The following TMEM230 variants were observed in gnomAD, a reference collection of about 807,000 sequenced individuals.
TMEM230 encodes the protein transmembrane protein 230, also known as UPF0414 transmembrane protein C20orf30.
TMEM230 carries 10 observed loss-of-function variants against 15.8 expected under a neutral mutation model. That is an observed-to-expected ratio of 0.63 (90% CI 0.39 to 1.07). The LOEUF (loss-of-function observed/expected upper bound fraction) is 1.07. Ranked by LOEUF, TMEM230 falls within the 50% of genes least tolerant of loss-of-function variation. The probability of loss-of-function intolerance (pLI) is 0.01; values close to 1 mark genes in which losing one functional copy is unlikely to be tolerated. For missense variants in TMEM230, 165 were observed against 193.3 expected (o/e 0.85, Z 0.87); for synonymous variants, 67 against 76.9 (o/e 0.87, Z 0.68).
chr20:5,083,431 T>C (rs1169156861), intron 3 of TMEM230, among the ~76,000 whole-genome samples: 1 of 151,826 alleles, frequency 6.6e-6, no homozygotes, highest in African/African-American at 2.4e-5. Flanking sequence ...TTTTATTAAA[T>C]CAGGAATAGC....
At chr20:5,066,119 G>C (rs1355307347), downstream of TMEM230, 1 of 152,280 alleles carries the variant, frequency 6.6e-6, no homozygotes, top group Admixed American at 6.5e-5. Flanking sequence ...GGTTAGTCAA[G>C]GCCAGTAAAC....
At chr20:5,105,296 A>G (rs1297661961) in intron 4 of TMEM230, among the ~76,000 whole-genome samples, 1 of 150,860 alleles carries the variant, frequency 6.6e-6, no homozygotes, top group Non-Finnish European at 1.5e-5. Context: ...CAAAATATAT[A>G]TATATGTATG....
chr20:5,109,136 A>T (rs1190287025), intron 3 of TMEM230, 196 bp downstream of exon 2: 1 of 495,168 alleles, frequency 2.0e-6, no homozygotes, highest in Non-Finnish European at 3.6e-6. Flanking sequence ...AATGGACAAT[A>T]CTGGAATTGG....
intron 2 of TMEM230, among the ~76,000 whole-genome samples, chr20:5,110,739 AAAG>A (rs1370566839): frequency 2.0e-5 from 3 of 152,144 alleles, no homozygotes; most frequent in African/African-American, 4.8e-5. Context: ...AAAAAATTTT[AAAG>A]AAAGAAAGAA....
At chr20:5,077,975 G>A (rs557365740) in intron 3 of TMEM230, among the ~76,000 whole-genome samples, 1 of 152,286 alleles carries the variant, frequency 6.6e-6, no homozygotes, top group South Asian at 2.1e-4. Flanking sequence ...AGTAGCATGG[G>A]GCCTGGGGGC....
At chr20:5,091,513 T>G (rs2089505822) in intron 3 of TMEM230, among the ~76,000 whole-genome samples, 1 of 152,022 alleles carries the variant, frequency 6.6e-6, no homozygotes, top group African/African-American at 2.4e-5. Flanking sequence ...ACCCAGCTGG[T>G]ATTGCTATTT....
At chr20:5,079,976 C>A (rs560450820) in intron 3 of TMEM230, among the ~76,000 whole-genome samples, 1 of 152,234 alleles carries the variant, frequency 6.6e-6, no homozygotes, top group East Asian at 1.9e-4. Context: ...TGAAAAAAAT[C>A]ATTACATCTT....
chr20:5,076,615 A>T (rs1050693702), intron 3 of TMEM230, among the ~76,000 whole-genome samples: 1 of 151,982 alleles, frequency 6.6e-6, no homozygotes, highest in Non-Finnish European at 1.5e-5. Flanking sequence ...CTGTTATGTA[A>T]CAGGCATCTA....
chr20:5,098,736 C>T (rs1458912911), downstream of TMEM230, among the ~76,000 whole-genome samples: 1 of 151,744 alleles, frequency 6.6e-6, no homozygotes, highest in African/African-American at 2.4e-5. Flanking sequence ...AAAAACTACA[C>T]TTATAATGTG....
chr20:5,090,529 G>C (rs2089478193), intron 3 of TMEM230, among the ~76,000 whole-genome samples: 1 of 152,134 alleles, frequency 6.6e-6, no homozygotes, highest in Admixed American at 6.6e-5. Flanking sequence ...AAACGGATGG[G>C]AGACTAGGGG....
intron 3 of TMEM230, among the ~76,000 whole-genome samples, chr20:5,074,719 A>G (rs1428152179): frequency 6.6e-6 from 1 of 152,132 alleles, no homozygotes; most frequent in Non-Finnish European, 1.5e-5. Context: ...CAGGCGAATC[A>G]CTTGAGCTAA....
chr20:5,111,096 A>G (rs561973982), intron 2 of TMEM230: 1 of 151,640 alleles, frequency 6.6e-6, no homozygotes, highest in East Asian at 1.9e-4. Flanking sequence ...GCACGAGAAT[A>G]GCTTGAGCCT....
chr20:5,061,642 C>CAAA, the TMEM230 span, among the ~76,000 whole-genome samples: 1 of 152,128 alleles, frequency 6.6e-6, no homozygotes, highest in Admixed American at 6.6e-5. Context: ...GAACATAGGT[C>CAAA]ATAGGCTGAT....
chr20:5,097,889 C>T (rs549474935), downstream of TMEM230, among the ~76,000 whole-genome samples: 1 of 151,036 alleles, frequency 6.6e-6, no homozygotes, highest in Non-Finnish European at 1.5e-5. Flanking sequence ...GGATTACAGG[C>T]GTGAGCCACC....
intron 2 of TMEM230, chr20:5,111,173 C>T (rs887415538): frequency 2.7e-5 from 4 of 149,368 alleles, no homozygotes; most frequent in Non-Finnish European, 5.9e-5. Flanking sequence ...CAGAATGAGA[C>T]CCTGAGTCAA....
rs6116648 is a variant in TMEM230, at chr20:5,103,288, C to T, written c.412-2357G>A. Among the ~76,000 whole-genome samples, 6 of 152,070 alleles carry T rather than the reference C, an allele frequency of 3.9e-5. No homozygotes were observed. The South Asian group carries it at 1.2e-3, about 31-fold the overall frequency. On this transcript the variant is annotated intron_variant, in intron 4 of 4. Transcript: ENST00000342308. Reference sequence around the variant, plus strand: ...ACCAGCCTGGGCAACATAATGAGATCTCATCTCTACCAAACAAACAAAAAA... The same window carrying T: ...ACCAGCCTGGGCAACATAATGAGATTTCATCTCTACCAAACAAACAAAAAA...
At chr20:5,104,098 A>G (rs2122757154) in intron 4 of TMEM230, among the ~76,000 whole-genome samples, 1 of 152,332 alleles carries the variant, frequency 6.6e-6, no homozygotes, top group East Asian at 1.9e-4. Flanking sequence ...TAATCCAATC[A>G]AAAATGGGCA....
chr20:5,093,576 G>A (rs147548796), intron 3 of TMEM230, among the ~76,000 whole-genome samples: 365 of 151,710 alleles, frequency 2.4e-3, no homozygotes, highest in African/African-American at 8.1e-3. Context: ...TTGCTCTGTC[G>A]CCCAGGCTGG....
intron 3 of TMEM230, among the ~76,000 whole-genome samples, chr20:5,072,171 C>T (rs955501707): frequency 6.6e-6 from 1 of 152,148 alleles, no homozygotes; most frequent in African/African-American, 2.4e-5. Context: ...CCACCTCAGC[C>T]GGCTGAGTAG....
Sources: allele counts gnomAD v4.1 joint callset (sites outside exome capture counted in the v4.1 genomes callset), GRCh38; gene constraint gnomAD v4.1.1; transcripts MANE v1.5; gene names NCBI Gene and HGNC (gene_info 2026-07-23, HGNC 2026-07-21).